DNAJC18: variants seen among roughly 807,000 people sequenced by gnomAD.
The protein encoded by DNAJC18 is DnaJ heat shock protein family (Hsp40) member C18.
In DNAJC18, 40 loss-of-function variants were observed where a neutral mutation model predicts 48.6. The observed-to-expected ratio is 0.82, with a 90% CI of 0.64 to 1.07. The LOEUF (loss-of-function observed/expected upper bound fraction) is 1.07, where lower values mean the gene tolerates loss of function less well. DNAJC18 is among the 50% of genes least tolerant of loss of function. The probability of loss-of-function intolerance (pLI) is 0.00; values close to 1 mark genes in which losing one functional copy is unlikely to be tolerated. For synonymous variants in DNAJC18, 135 were observed against 152.2 expected, an observed-to-expected ratio of 0.89 and a Z score of 0.83; for missense variants, 340 against 427.7, an observed-to-expected ratio of 0.79 and a Z score of 1.81.
rs1232280289 is a variant in DNAJC18, at chr5:139,437,492, CA to C, written c.106del (p.Cys36ValfsTer7). 3 of 1,614,076 alleles carry C rather than the reference CA, an allele frequency of 1.9e-6. No homozygotes were observed. The highest frequency in any genetic ancestry group is 1.3e-5 in the African/African-American group (1 of 74,938). On this transcript the variant is annotated frameshift_variant, in exon 2 of 8. Coordinates refer to ENST00000302060, the MANE Select transcript of DNAJC18 (RefSeq NM_152686.4). LOFTEE classifies it high-confidence loss of function. Reference sequence around the variant, plus strand: ...TGCCTTCATGCAGTTACAGCAGCCACAGGGGTCATGACTCTCAGGAGGTGTG... The same window carrying C: ...TGCCTTCATGCAGTTACAGCAGCCACGGGGTCATGACTCTCAGGAGGTGTG... ...EDTPPESHDP[C>X]GCCNCMKAQK...
chr5:139,432,138 C>T (rs551295041), intron 2 of DNAJC18, among the ~76,000 whole-genome samples: 68 of 151,126 alleles, frequency 4.5e-4, no homozygotes, highest in Admixed American at 1.2e-3. Context: ...TAAATGTTTT[C>T]TCCCATTCTG....
intron 2 of DNAJC18, among the ~76,000 whole-genome samples, chr5:139,434,797 T>C (rs1407348042): frequency 1.3e-5 from 2 of 152,114 alleles, no homozygotes; most frequent in Admixed American, 6.5e-5. Context: ...ATTTACAAGA[T>C]CATGTCATCT....
rs541497531 is a variant in DNAJC18, at chr5:139,414,250, T to G, written c.975A>C (p.Ala325=). The change falls in exon 8 of 8, where the codon GCA becomes GCC. Residue 325 remains alanine, a synonymous_variant. Coordinates refer to ENST00000302060, the MANE Select transcript of DNAJC18 (RefSeq NM_152686.4). ...TCAATCGTTCATCTCTGTATAATCCTGCCAAATTTGTCAGCTCTGACTCTG... is the reference window on the plus strand; with the variant it reads ...TCAATCGTTCATCTCTGTATAATCCGGCCAAATTTGTCAGCTCTGACTCTG... ...KQQKSELTNL[A]GLYRDERLKQ... is the part of the protein sequence containing the mutation. The G allele has an allele frequency of 6.2e-7, 1 of 1,612,998 alleles. No homozygotes were observed. The highest frequency in any genetic ancestry group is 8.5e-7 in the Non-Finnish European group (1 of 1,179,650).
At chr5:139,436,679 T>C (rs924120684) in intron 2 of DNAJC18, among the ~76,000 whole-genome samples, 3 of 151,894 alleles carry the variant, frequency 2.0e-5, no homozygotes, top group Non-Finnish European at 4.4e-5. Flanking sequence ...AATTTTTGTA[T>C]ATATATATTT....
chr5:139,414,162 G>A lies in DNAJC18; in HGVS notation c.1063C>T (p.Arg355Cys), dbSNP rs369684305. The A allele has an allele frequency of 3.5e-5, 57 of 1,612,408 alleles. No individual in the cohort carries two copies. The highest frequency in any genetic ancestry group is 4.5e-5 in the East Asian group (2 of 44,740). ...CEKLSKLIGL[R>C]RGG Reference sequence around the variant, plus strand: ...CCATTATCCTCTCAGCCACCTCTGCGTAGGCCAATGAGTTTGGAAAGTTTC... The same window carrying A: ...CCATTATCCTCTCAGCCACCTCTGCATAGGCCAATGAGTTTGGAAAGTTTC... Residue 355 changes from arginine to cysteine, a missense_variant, in exon 8 of 8, where the codon CGC (arginine) becomes TGC (cysteine). Coordinates refer to ENST00000302060, the MANE Select transcript of DNAJC18 (RefSeq NM_152686.4).
chr5:139,422,988 A>C (rs1280360888), intron 5 of DNAJC18, among the ~76,000 whole-genome samples, 171 bp from the exon 6 acceptor site: 1 of 151,694 alleles, frequency 6.6e-6, no homozygotes, highest in Non-Finnish European at 1.5e-5. Flanking sequence ...GGCACCCGCC[A>C]CCACGCCCGG....
At chr5:139,432,666 T>C (rs1021262823) in intron 2 of DNAJC18, among the ~76,000 whole-genome samples, 3 of 152,172 alleles carry the variant, frequency 2.0e-5, no homozygotes, top group East Asian at 1.9e-4. Context: ...AGTCCCTTAA[T>C]GGCAAAGTAC....
intron 2 of DNAJC18, 124 bp downstream of exon 2, chr5:139,437,248 A>C: frequency 8.1e-7 from 1 of 1,238,256 alleles, no homozygotes; most frequent in Admixed American, 3.2e-5. Flanking sequence ...GAGGTCAAGA[A>C]GCTAGTATGC....
At chr5:139,428,033 C>T (rs921427378) in intron 3 of DNAJC18, among the ~76,000 whole-genome samples, 1 of 152,194 alleles carries the variant, frequency 6.6e-6, no homozygotes, top group Non-Finnish European at 1.5e-5. Context: ...AATCCTCCCA[C>T]CTCAGCCTCC....
At chr5:139,430,975 A>G (rs1309761643) in intron 2 of DNAJC18, among the ~76,000 whole-genome samples, 1 of 152,196 alleles carries the variant, frequency 6.6e-6, no homozygotes, top group Non-Finnish European at 1.5e-5. Flanking sequence ...TTTTGCTACT[A>G]TATAATTCAG....
At chr5:139,418,685 G>A (rs1039572671) in intron 7 of DNAJC18, 1 of 453,732 alleles carries the variant, frequency 2.2e-6, no homozygotes, top group Non-Finnish European at 4.4e-6. Flanking sequence ...AGGGGGCAGA[G>A]ACCAGGTCCC....
At chr5:139,416,026 G>T (rs910855220) in intron 7 of DNAJC18, among the ~76,000 whole-genome samples, 2 of 152,090 alleles carry the variant, frequency 1.3e-5, no homozygotes, top group African/African-American at 4.8e-5. Context: ...ACTGAAACCA[G>T]CTCAGAGACC....
Position 139,410,814 on chromosome 5 carries a change from G to C in DNAJC18, c.*3334C>G, listed in dbSNP as rs574740618. 1 of 152,410 alleles carries C rather than the reference G, an allele frequency of 6.6e-6. No homozygotes were observed. Among genetic ancestry groups the C allele is most frequent in the African/African-American group, 2.4e-5 (1 of 41,228 alleles). The allele number at this position is 152,410 out of a possible 1,614,324, so 9.4% of individuals were successfully genotyped here. ...GACAGAGTCTTGCTCTGTCACCCAG[G>C]CTGGAGTGCAATGATGTGATCTCAG... On this transcript the variant is annotated 3_prime_UTR_variant, in exon 8 of 8. Transcript: ENST00000302060.
chr5:139,437,442 C>T lies in DNAJC18; in HGVS notation c.157G>A (p.Glu53Lys). ...KAQKEKKSEN[E>K]WTQTRQGEGN... ...TCACCCTGCCGGGTCTGAGTCCACT[C>T]ATTCTCAGACTTCTTTTCCTTTTGT... Residue 53 changes from glutamate to lysine, a missense_variant, in exon 2 of 8, where the codon GAG (glutamate) becomes AAG (lysine). Physicochemically the swap from Glu to Lys is moderately conservative, Grantham distance 56. Transcript: ENST00000302060. The T allele has an allele frequency of 2.5e-6, 4 of 1,614,222 alleles. No individual in the cohort carries two copies. The highest frequency in any genetic ancestry group is 3.4e-6 in the Non-Finnish European group (4 of 1,180,044).
chr5:139,422,024 T>A (rs1441471670), intron 6 of DNAJC18, among the ~76,000 whole-genome samples: 1 of 152,174 alleles, frequency 6.6e-6, no homozygotes, highest in Non-Finnish European at 1.5e-5. Flanking sequence ...CAAACTTCAG[T>A]GTGGACCAGA....
At chr5:139,425,444 G>A (rs1215658959) in intron 4 of DNAJC18, among the ~76,000 whole-genome samples, 3 of 152,202 alleles carry the variant, frequency 2.0e-5, no homozygotes, top group African/African-American at 2.4e-5. Context: ...GATTACAGGC[G>A]TAAGCTACCG....
At position 139,426,428 on chromosome 5, in the gene DNAJC18, G is replaced by C. The variant is rs969206188; in HGVS notation, c.374-71C>G. On this transcript the variant is annotated intron_variant, in intron 3 of 7. Coordinates refer to ENST00000302060, the MANE Select transcript of DNAJC18 (RefSeq NM_152686.4). ...GGCTGAGAGTGATCACAGCAGCAGT[G>C]ACAAAGAGCCTAGAGGTGACTCGTG... 68 of 1,555,814 alleles carry C rather than the reference G, an allele frequency of 4.4e-5. No homozygotes were observed. In the African/African-American group the frequency reaches 8.3e-4, roughly 19 times the overall value.
At chr5:139,427,244 C>T (rs1759258223) in intron 3 of DNAJC18, among the ~76,000 whole-genome samples, 1 of 152,162 alleles carries the variant, frequency 6.6e-6, no homozygotes, top group Non-Finnish European at 1.5e-5. Context: ...TTTCCAATGT[C>T]TCAAGGAGGG....
intron 2 of DNAJC18, among the ~76,000 whole-genome samples, chr5:139,433,605 C>T (rs766161244): frequency 9.9e-5 from 15 of 152,110 alleles, no homozygotes; most frequent in Non-Finnish European, 1.2e-4. Context: ...ATAACAGGAG[C>T]TAACTACAAA....
Sources: allele counts gnomAD v4.1 joint callset (sites outside exome capture counted in the v4.1 genomes callset), GRCh38; gene constraint gnomAD v4.1.1; transcripts MANE v1.5; gene names NCBI Gene and HGNC (gene_info 2026-07-23, HGNC 2026-07-21).